IL34: variants seen among roughly 807,000 people sequenced by gnomAD.
The protein encoded by IL34 is interleukin-34.
In IL34, 17 loss-of-function variants were observed where a neutral mutation model predicts 25.3. The ratio of observed to expected loss-of-function variants is 0.67; its 90% CI spans 0.46 to 1.01. The LOEUF is 1.01. IL34 is among the 50% of genes least tolerant of loss of function. IL34 has a pLI of 0.00. For synonymous variants in IL34, 174 were observed against 140.9 expected (o/e 1.23, Z -1.66); for missense variants, 368 against 312.9 (o/e 1.18, Z -1.33).
intron 1 of IL34, among the ~76,000 whole-genome samples, chr16:70,620,997 G>T (rs2051269213): frequency 6.6e-6 from 1 of 152,134 alleles, no homozygotes; most frequent in Non-Finnish European, 1.5e-5. Flanking sequence ...CTCCAGAAAA[G>T]CAGAGAAGGG....
chr16:70,617,773 A>T (rs1425532544), intron 1 of IL34, among the ~76,000 whole-genome samples: 21 of 148,334 alleles, frequency 1.4e-4, no homozygotes, highest in African/African-American at 5.2e-4. Context: ...GAGCCTGAAA[A>T]ACTGCTTGGC....
In IL34 at chr16:70,657,111, A is replaced by G; in HGVS notation, c.392A>G (p.Gln131Arg). The change falls in exon 4 of 6, where the codon CAG (glutamine) becomes CGG (arginine). Residue 131 changes from glutamine to arginine, a missense_variant. Transcript: ENST00000288098. ...GAGACGCTGCTGCTGAATGTCCAGC[A>G]GGGCCTCACGGTGAGTTGTGTGGAG... ...EVETLLLNVQ[Q>R]GLTDVEVSPK... 6.2e-7 allele frequency: 1 copy of G among 1,612,750 alleles called. No homozygotes were observed. The highest frequency in any genetic ancestry group is 8.5e-7 in the Non-Finnish European group (1 of 1,179,770).
rs373070589 is a variant in IL34 at position 70,615,126 on chromosome 16, C to A, written c.-400-31422C>A. ...GTTACCCCCCAAATCTCTGGACTTA[C>A]GGTGTATGCATTTTTGCAACTTATT... On this transcript the variant is annotated intron_variant, in intron 1 of 6. Transcript: ENST00000429149. Among the ~76,000 whole-genome samples, 9 of 152,282 alleles carry A rather than the reference C, an allele frequency of 5.9e-5. 1 individual carries two copies. Among genetic ancestry groups the A allele is most frequent in the Middle Eastern group, 6.8e-3 (2 of 294 alleles).
chr16:70,654,362 G>T (rs946022588), intron 1 of IL34, 176 bp from the exon 2 acceptor site: 37 of 783,860 alleles, frequency 4.7e-5, no homozygotes, highest in Non-Finnish European at 7.0e-5. Context: ...TGACCTTGCT[G>T]TTCTGGAGCC....
At chr16:70,606,110 A>T (rs995473780) in intron 1 of IL34, among the ~76,000 whole-genome samples, 1 of 151,890 alleles carries the variant, frequency 6.6e-6, no homozygotes, top group Non-Finnish European at 1.5e-5. Context: ...TTAAATATGC[A>T]TATTGGCCAG....
upstream of IL34, among the ~76,000 whole-genome samples, chr16:70,645,118 A>G (rs200369797): frequency 2.5e-4 from 26 of 104,116 alleles, no homozygotes; most frequent in South Asian, 9.5e-4. Flanking sequence ...AGGAGGAAGA[A>G]GAGGGAGGAA....
chr16:70,596,243 A>G (rs1180841778), intron 1 of IL34, among the ~76,000 whole-genome samples: 1 of 152,180 alleles, frequency 6.6e-6, no homozygotes, highest in Non-Finnish European at 1.5e-5. Context: ...GCCCACCATC[A>G]CGACCTCATC....
intron 1 of IL34, among the ~76,000 whole-genome samples, chr16:70,640,334 A>T (rs934717383): frequency 2.0e-5 from 3 of 152,064 alleles, no homozygotes; most frequent in Non-Finnish European, 2.9e-5. Flanking sequence ...TTTTGTAGGG[A>T]CAGCCTCTTG....
chr16:70,657,150 G>T (rs2052250957), intron 4 of IL34, 29 bp downstream of exon 4: 6 of 1,605,328 alleles, frequency 3.7e-6, no homozygotes, highest in Non-Finnish European at 3.4e-6. Context: ...TGGCAGGTGG[G>T]GTGTGTGTGT....
chr16:70,658,186 C>T (rs139111702), intron 4 of IL34, among the ~76,000 whole-genome samples: 7 of 152,134 alleles, frequency 4.6e-5, no homozygotes, highest in East Asian at 1.9e-4. Flanking sequence ...TGTGAGCTTC[C>T]GACGGTGAAA....
upstream of IL34, chr16:70,646,417 C>T (rs74024415): frequency 0.04 from 6,142 of 154,084 alleles, 417 homozygotes; most frequent in African/African-American, 0.14. Flanking sequence ...TCATTTCTCA[C>T]GTGAGCCGTG....
intron 3 of IL34, 27 bp downstream of exon 3, chr16:70,656,706 G>A (rs368507367): frequency 4.5e-6 from 5 of 1,114,746 alleles, no homozygotes; most frequent in Admixed American, 1.7e-5. Context: ...GGGCTGGGGG[G>A]ACCCTGCCTC....
rs952622576 is a variant in IL34 at position 70,657,019 on chromosome 16, T to C, written c.300T>C (p.Ser100=). 8 of 1,612,228 alleles carry C rather than the reference T, an allele frequency of 5.0e-6. No homozygotes were observed. Among genetic ancestry groups the C allele is most frequent in the Admixed American group, 1.7e-5 (1 of 59,976 alleles). The stretch of plus-strand genomic sequence containing the variant: ...ATCTGTGGGTCTTGGTGAGCCTCAG[T>C]GCCACTGAGTCGGTGCAGGACGTGC... ...LRYLWVLVSL[S]ATESVQDVLL... The change falls in exon 4 of 6, where the codon AGT becomes AGC. Residue 100 remains serine (S), a synonymous_variant. Transcript: ENST00000288098.
At position 70,641,146 on chromosome 16, in the gene IL34, C is replaced by T. The variant is rs78155553; in HGVS notation, c.-400-5402C>T. On this transcript the variant is annotated intron_variant, in intron 1 of 6. Coordinates refer to the IL34 transcript ENST00000429149. The stretch of plus-strand genomic sequence containing the variant: ...AAAATCAGCCGGAAGTGGTGGTGCA[C>T]GCCTGTAATCATAGCTGCTTGGGAG... 1.3e-3 allele frequency among the ~76,000 whole-genome samples: 205 copies of T among 152,044 alleles called. 5 individuals are homozygous for T. In the East Asian group the frequency reaches 0.035, roughly 26 times the overall value.
intron 1 of IL34, among the ~76,000 whole-genome samples, chr16:70,649,760 A>C (rs6499331): frequency 0.99 from 150,671 of 152,280 alleles, 74,547 homozygotes; most frequent in Middle Eastern, 1. Flanking sequence ...GATCTTTCTT[A>C]AGCCTCCTCT....
At position 70,600,943 on chromosome 16, in the gene IL34, G is replaced by C. The variant is rs76799342; in HGVS notation, c.-401+20894G>C. On this transcript the variant is annotated intron_variant, in intron 1 of 6. Transcript: ENST00000429149. Reference sequence around the variant, plus strand: ...GATGCTGGCAGAAGCAGGGCTGCTGGGAGGAGTAGGGGATGCTGGGAGAAG... The same window carrying C: ...GATGCTGGCAGAAGCAGGGCTGCTGCGAGGAGTAGGGGATGCTGGGAGAAG... 6.2e-3 allele frequency among the ~76,000 whole-genome samples: 897 copies of C among 143,606 alleles called. 6 individuals are homozygous for C. Among genetic ancestry groups the C allele is most frequent in the South Asian group, 0.031 (147 of 4,692 alleles). 94.2% of individuals were successfully genotyped at this position (143,606 alleles called of 152,430 possible).
upstream of IL34, among the ~76,000 whole-genome samples, chr16:70,646,159 C>T (rs1271394531): frequency 2.0e-5 from 3 of 152,104 alleles, no homozygotes; most frequent in Admixed American, 6.5e-5. Context: ...ATCCTCCCAC[C>T]TTGGCCTCCC....
chr16:70,644,772 GGGAGGAGGGAGGAAAA>G (rs1387737091), upstream of IL34, among the ~76,000 whole-genome samples: 747 of 143,526 alleles, frequency 5.2e-3, 13 homozygotes, highest in African/African-American at 0.019. Context: ...AAAAGGAGGA[GGGAGGAGGGAGGAAAA>G]GGAGGAGGGA....
Position 70,649,083 on chromosome 16 carries a change from T to A in IL34, c.28+2108T>A, listed in dbSNP as rs1434346440. ...GACATCCTTCATTTAATAATGCCTG[T>A]AAGTGGCACAGGACAGGCGAGCCCC... On this transcript the variant is annotated intron_variant, in intron 1 of 5. Coordinates refer to ENST00000288098, the MANE Select transcript of IL34 (RefSeq NM_001393494.1). Among the ~76,000 whole-genome samples, 4 of 152,228 alleles carry A rather than the reference T, an allele frequency of 2.6e-5. No homozygotes were observed. The East Asian group carries it at 7.8e-4, about 30-fold the overall frequency.
Sources: allele counts gnomAD v4.1 joint callset (sites outside exome capture counted in the v4.1 genomes callset), GRCh38; gene constraint gnomAD v4.1.1; transcripts MANE v1.5; gene names NCBI Gene and HGNC (gene_info 2026-07-23, HGNC 2026-07-21).